The following COL19A1 variants were observed in gnomAD, a reference collection of about 807,000 sequenced individuals.
COL19A1 encodes collagen alpha-1(XIX) chain.
COL19A1 carries 159 observed loss-of-function variants against 190.2 expected under a neutral mutation model. That is an observed-to-expected ratio of 0.84 (90% confidence interval 0.73 to 0.95). COL19A1 has a LOEUF of 0.95. Ranked by LOEUF, COL19A1 falls within the 40% of genes least tolerant of loss-of-function variation. COL19A1 has a pLI of 0.00. For missense variants in COL19A1, 1,418 were observed against 1,431.9 expected (o/e 0.99, Z 0.16); for synonymous variants, 509 against 458.9 (o/e 1.11, Z -1.39).
chr6:69,978,744 T>C (rs1428386977), intron 11 of COL19A1, among the ~76,000 whole-genome samples: 3 of 151,254 alleles, frequency 2.0e-5, no homozygotes, highest in Non-Finnish European at 3.0e-5. Context: ...CTAAAATCAA[T>C]GAAACAGAAA....
intron 11 of COL19A1, among the ~76,000 whole-genome samples, chr6:69,981,118 A>G (rs1338890163): frequency 6.6e-6 from 1 of 152,190 alleles, no homozygotes; most frequent in Non-Finnish European, 1.5e-5. Context: ...GGTTCCTAGA[A>G]CAGTGCTCAC....
chr6:70,098,607 C>A (rs1783430042), intron 15 of COL19A1: 1 of 409,944 alleles, frequency 2.4e-6, no homozygotes, highest in Non-Finnish European at 4.7e-6. Context: ...AGGTGGCAGG[C>A]CTTAGAGCCA....
In COL19A1 at chr6:70,061,208, T is replaced by C. The variant is rs147048003; in HGVS notation, c.1171-7215T>C. On this transcript the variant is annotated intron_variant, in intron 14 of 50. Coordinates refer to ENST00000620364, the MANE Select transcript of COL19A1 (RefSeq NM_001858.6). ...TTTTTCTACAGTTGATTGATCTGTG[T>C]TTTACTAATGATAATATTAAAATTA... 9.9e-4 allele frequency among the ~76,000 whole-genome samples: 151 copies of C among 152,298 alleles called. 1 individual carries two copies. The highest frequency in any genetic ancestry group is 3.5e-3 in the African/African-American group (147 of 41,570).
chr6:70,060,426 T>A (rs1780759045), intron 14 of COL19A1, among the ~76,000 whole-genome samples: 1 of 152,106 alleles, frequency 6.6e-6, no homozygotes, highest in African/African-American at 2.4e-5. Context: ...TCGCAGCCTG[T>A]TAGGAACCGG....
intron 19 of COL19A1, among the ~76,000 whole-genome samples, chr6:70,139,337 A>T (rs35758960): frequency 6.6e-6 from 1 of 151,870 alleles, no homozygotes; most frequent in Non-Finnish European, 1.5e-5. Context: ...TCCTGCAGGG[A>T]TTTCCTCTGG....
intron 30 of COL19A1, among the ~76,000 whole-genome samples, chr6:70,151,043 C>T (rs1019399594): frequency 6.6e-6 from 1 of 152,056 alleles, no homozygotes; most frequent in Admixed American, 6.6e-5. Context: ...GAATGATTTC[C>T]TTTTAATAAA....
intron 2 of COL19A1, chr6:69,890,583 T>G (rs946596769): frequency 4.6e-5 from 7 of 152,214 alleles, no homozygotes; most frequent in African/African-American, 1.7e-4. Context: ...AAAATACAGA[T>G]GCCCAGTTAA....
rs1784903462 is a variant in COL19A1, at chr6:70,121,902, TACACCAAA to T, written c.1302_1309del (p.His435SerfsTer6). The stretch of plus-strand genomic sequence containing the variant: ...CAGGGACCTCCTGGAATACAAGGAA[TACACCAAA>T]CTCTTGGTGGATATTATAACAAGGA... On this transcript the variant is annotated frameshift_variant, in exon 17 of 51. Coordinates refer to ENST00000620364, the MANE Select transcript of COL19A1 (RefSeq NM_001858.6). LOFTEE classifies it high-confidence loss of function. 1 of 1,591,246 alleles carries T rather than the reference TACACCAAA, an allele frequency of 6.3e-7. No homozygotes were observed. The highest frequency in any genetic ancestry group is 8.5e-7 in the Non-Finnish European group (1 of 1,170,422).
intron 6 of COL19A1, among the ~76,000 whole-genome samples, chr6:69,932,160 T>G (rs886465593): frequency 6.6e-6 from 1 of 151,858 alleles, no homozygotes; most frequent in Admixed American, 6.6e-5. Flanking sequence ...TAATTTCATG[T>G]CCAAATGCCA....
At chr6:70,125,200 G>A (rs976452835) in intron 17 of COL19A1, among the ~76,000 whole-genome samples, 1 of 152,172 alleles carries the variant, frequency 6.6e-6, no homozygotes, top group African/African-American at 2.4e-5. Context: ...AATGGACCAT[G>A]TATTGAGACA....
At chr6:70,123,252 A>T (rs12208104) in intron 17 of COL19A1, among the ~76,000 whole-genome samples, 12,659 of 151,690 alleles carry the variant, frequency 0.083, 579 homozygotes, top group Middle Eastern at 0.13. Context: ...TCAAAACCAC[A>T]GTGAGATACC....
At chr6:69,917,310 T>C (rs1353179988) in intron 4 of COL19A1, among the ~76,000 whole-genome samples, 1 of 152,228 alleles carries the variant, frequency 6.6e-6, no homozygotes, top group East Asian at 1.9e-4. Flanking sequence ...GAATGTGATA[T>C]AGCACAGTCT....
chr6:70,071,792 A>G (rs1249548983), intron 15 of COL19A1, among the ~76,000 whole-genome samples: 1 of 152,108 alleles, frequency 6.6e-6, no homozygotes, highest in South Asian at 2.1e-4. Context: ...TTAATCCATC[A>G]TGAGGCAGAA....
chr6:69,981,102 T>C (rs1171136290), intron 11 of COL19A1, among the ~76,000 whole-genome samples: 1 of 152,170 alleles, frequency 6.6e-6, no homozygotes, highest in African/African-American at 2.4e-5. Context: ...ATTCAAACAT[T>C]TGCTGGGTTC....
chr6:70,127,415 C>T (rs1394685051), intron 17 of COL19A1, among the ~76,000 whole-genome samples: 5 of 152,120 alleles, frequency 3.3e-5, no homozygotes, highest in African/African-American at 9.7e-5. Context: ...CCTGGCAAGA[C>T]ATGATGGTGG....
At chr6:70,155,993 G>A in intron 31 of COL19A1, 134 bp from the exon 32 acceptor site, 1 of 639,782 alleles carries the variant, frequency 1.6e-6, no homozygotes, top group Non-Finnish European at 2.6e-6. Context: ...GATACATCAA[G>A]TGTCTGAAAG....
chr6:69,942,043 C>T (rs531651096), intron 9 of COL19A1, among the ~76,000 whole-genome samples: 7 of 152,176 alleles, frequency 4.6e-5, no homozygotes, highest in South Asian at 4.1e-4. Flanking sequence ...TAGATAATGT[C>T]GATTAGAAGC....
At chr6:70,047,136 A>G (rs1476750883) in intron 14 of COL19A1, among the ~76,000 whole-genome samples, 5 of 152,134 alleles carry the variant, frequency 3.3e-5, no homozygotes, top group Non-Finnish European at 7.4e-5. Context: ...AAGAATAAAA[A>G]TTCCTTTTCT....
rs373356160 is a variant in COL19A1, at chr6:69,982,477, G to T, written c.1026+19607G>T. Among the ~76,000 whole-genome samples, 4 of 151,992 alleles carry T rather than the reference G, an allele frequency of 2.6e-5. No homozygotes were observed. In the East Asian group the frequency reaches 5.9e-4, roughly 22 times the overall value. ...GCTGGTCTTGAACTCCTGACCTCGT[G>T]ATCCACCTGCCTCGGCCTCCCACAG... On this transcript the variant is annotated intron_variant, in intron 11 of 50. Transcript: ENST00000620364.
Sources: gnomAD v4.1 joint callset for allele counts (sites outside exome capture counted in the v4.1 genomes callset) on GRCh38, gnomAD v4.1.1 for gene constraint, MANE v1.5 for transcripts, NCBI Gene and HGNC (gene_info 2026-07-23, HGNC 2026-07-21) for gene names.